AOPEP: variants seen among roughly 807,000 people sequenced by gnomAD.
AOPEP encodes the protein aminopeptidase O.
A neutral mutation model predicts 98.1 loss-of-function variants in AOPEP; 77 were observed. That is an observed-to-expected ratio of 0.78 (90% CI 0.65 to 0.95). The LOEUF (loss-of-function observed/expected upper bound fraction) is 0.95, where lower values mean the gene tolerates loss of function less well. Ranked by LOEUF, AOPEP falls within the 40% of genes least tolerant of loss-of-function variation. AOPEP has a pLI of 0.00. For synonymous variants in AOPEP, 346 were observed against 365.3 expected (o/e 0.95, Z 0.60); for missense variants, 1,024 against 1,024.7 (o/e 1.00, Z 0.01).
chr9:95,008,262 A>T (rs891058879), intron 13 of AOPEP, among the ~76,000 whole-genome samples: 5 of 152,128 alleles, frequency 3.3e-5, no homozygotes, highest in Non-Finnish European at 7.4e-5. Flanking sequence ...TTCAGCCTAG[A>T]TGAGTAAATT....
chr9:95,024,772 T>G (rs1162729550), intron 13 of AOPEP, among the ~76,000 whole-genome samples: 3 of 152,212 alleles, frequency 2.0e-5, no homozygotes, highest in Admixed American at 1.3e-4. Flanking sequence ...GATTTCCTGC[T>G]TCCTCTACTC....
At chr9:94,925,496 A>G (rs1189026047) in intron 6 of AOPEP, among the ~76,000 whole-genome samples, 1 of 152,268 alleles carries the variant, frequency 6.6e-6, no homozygotes, top group East Asian at 1.9e-4. Context: ...TACCCGGCTC[A>G]CAATTCAACA....
Position 94,792,786 on chromosome 9 carries a change from A to G in AOPEP, c.986A>G (p.Tyr329Cys), listed in dbSNP as rs200839081. ...LWEECSSWYY[Y>C]VTMPMPASTF... is the part of the protein sequence containing the mutation. ...ACAGAGTGCTCAAGCTGGTATTACT[A>G]TGTAACTATGCCAATGCCAGCCTCC... Residue 329 changes from tyrosine to cysteine, a missense_variant, in exon 4 of 17, where the codon TAT (tyrosine) becomes TGT (cysteine). Around this residue, in one of 3 missense-constraint regions of AOPEP, gnomAD observed 440 missense variants for 433.8 expected, o/e 1.01. Transcript: ENST00000375315. 2.0e-5 allele frequency: 33 copies of G among 1,612,402 alleles called. 1 individual carries two copies. The highest frequency in any genetic ancestry group is 2.0e-4 in the Admixed American group (12 of 59,748).
chr9:94,873,398 G>A (rs2046569539), intron 5 of AOPEP, among the ~76,000 whole-genome samples: 1 of 152,176 alleles, frequency 6.6e-6, no homozygotes, highest in Non-Finnish European at 1.5e-5. Context: ...GAATTCTTTG[G>A]AATTAACAAA....
Position 94,759,728 on chromosome 9 carries a change from C to G in AOPEP, c.-56C>G, listed in dbSNP as rs978590450. On this transcript the variant is annotated 5_prime_UTR_variant, in exon 2 of 17. Transcript: ENST00000375315. ...TATTTATGATTCTGGAAGATTAAGG[C>G]AGATAGGAAACCCCATCTGAGATTT... The G allele has an allele frequency of 3.2e-5, 43 of 1,358,248 alleles. No homozygotes were observed. The highest frequency in any genetic ancestry group is 4.5e-4 in the Middle Eastern group (2 of 4,416). The allele number at this position is 1,358,248 out of a possible 1,614,324, so 84.1% of individuals were successfully genotyped here.
At chr9:94,861,305 A>G (rs905238578) in intron 5 of AOPEP, among the ~76,000 whole-genome samples, 2 of 152,180 alleles carry the variant, frequency 1.3e-5, no homozygotes, top group African/African-American at 4.8e-5. Context: ...GCAACTGAGG[A>G]TGGCTGTTTA....
At chr9:95,000,860 T>C (rs943796697) in intron 11 of AOPEP, among the ~76,000 whole-genome samples, 1 of 152,254 alleles carries the variant, frequency 6.6e-6, no homozygotes, top group Non-Finnish European at 1.5e-5. Flanking sequence ...TGAACGTATG[T>C]TGGCAATAGA....
chr9:95,131,493 CCT>C, the AOPEP span, among the ~76,000 whole-genome samples: 1 of 152,208 alleles, frequency 6.6e-6, no homozygotes, highest in Non-Finnish European at 1.5e-5. Flanking sequence ...GCAACGTGGG[CCT>C]CTTTCTTCAC....
At chr9:94,982,679 CAAT>C (rs2060265408) in intron 11 of AOPEP, among the ~76,000 whole-genome samples, 1 of 149,926 alleles carries the variant, frequency 6.7e-6, no homozygotes, top group African/African-American at 2.5e-5. Flanking sequence ...AGTGAAAGGG[CAAT>C]ACTTTTAAAG....
intron 5 of AOPEP, among the ~76,000 whole-genome samples, chr9:94,884,695 G>T (rs932070300): frequency 1.3e-5 from 2 of 152,160 alleles, no homozygotes; most frequent in East Asian, 3.8e-4. Context: ...AAGATGAAGC[G>T]AGTAAATGCA....
the AOPEP span, chr9:95,111,237 A>G: frequency 3.3e-6 from 5 of 1,537,802 alleles, no homozygotes; most frequent in Middle Eastern, 3.3e-4. Flanking sequence ...TTTGCAGGAG[A>G]ATGGGCTGGC....
the AOPEP span, chr9:95,123,358 G>A: frequency 3.7e-5 from 14 of 377,240 alleles, no homozygotes; most frequent in East Asian, 8.5e-4. Flanking sequence ...AGCAGAAACA[G>A]GCTGGGTGTG....
At chr9:94,875,936 C>G (rs2046891925) in intron 5 of AOPEP, among the ~76,000 whole-genome samples, 1 of 152,110 alleles carries the variant, frequency 6.6e-6, no homozygotes, top group African/African-American at 2.4e-5. Flanking sequence ...TAGCTGCATA[C>G]AAAACATTTA....
chr9:94,888,553 C>T (rs761994547), intron 5 of AOPEP, among the ~76,000 whole-genome samples: 1 of 152,106 alleles, frequency 6.6e-6, no homozygotes, highest in Non-Finnish European at 1.5e-5. Context: ...ACTAGTCTGT[C>T]GTTGTCTGAG....
chr9:94,950,752 T>C (rs1472165725), intron 7 of AOPEP, among the ~76,000 whole-genome samples: 1 of 152,192 alleles, frequency 6.6e-6, no homozygotes, highest in Admixed American at 6.5e-5. Context: ...TTGAAGAATC[T>C]CTTGTGGCTC....
chr9:95,093,098 T>C, the AOPEP span, among the ~76,000 whole-genome samples: 1 of 152,142 alleles, frequency 6.6e-6, no homozygotes, highest in Non-Finnish European at 1.5e-5. Flanking sequence ...ACACAGATAA[T>C]TTATGGGGAA....
intron 9 of AOPEP, among the ~76,000 whole-genome samples, chr9:94,957,584 A>AC (rs1386060539): frequency 1.3e-5 from 2 of 152,244 alleles, no homozygotes; most frequent in African/African-American, 4.8e-5. Flanking sequence ...CCATAAAGTT[A>AC]ACCCTTTGAA....
chr9:95,087,482 C>CA (rs746666179), downstream of AOPEP, among the ~76,000 whole-genome samples: 30,354 of 37,406 alleles, frequency 0.81, 14,272 homozygotes, highest in Non-Finnish European at 0.94. Context: ...GACTCCATCT[C>CA]AAAAAAAAAA....
At chr9:94,916,869 A>T (rs2052906201) in intron 5 of AOPEP, among the ~76,000 whole-genome samples, 3 of 152,190 alleles carry the variant, frequency 2.0e-5, no homozygotes, top group South Asian at 4.1e-4. Context: ...TCAAAAACAA[A>T]TTTTTTGTTC....
Sources: gnomAD v4.1 joint callset for allele counts (sites outside exome capture counted in the v4.1 genomes callset) on GRCh38, gnomAD v4.1.1 for gene constraint, gnomAD v4.1.1 regional missense constraint, MANE v1.5 for transcripts, NCBI Gene and HGNC (gene_info 2026-07-23, HGNC 2026-07-21) for gene names.